ARK2C: variants seen among roughly 807,000 people sequenced by gnomAD.
ARK2C encodes the protein E3 ubiquitin-protein ligase ARK2C.
At chr18:46,433,276 C>T in the ARK2C span, 1 of 1,610,816 alleles carries the variant, frequency 6.2e-7, no homozygotes, top group African/African-American at 1.3e-5. Context: ...GCAGCTCGCT[C>T]CCGACTTCCC....
At chr18:46,383,388 G>C in the ARK2C span, among the ~76,000 whole-genome samples, 1 of 152,088 alleles carries the variant, frequency 6.6e-6, no homozygotes, top group African/African-American at 2.4e-5. Context: ...GGAAAAATAC[G>C]TATATATAAA....
chr18:46,396,416 T>C, the ARK2C span, among the ~76,000 whole-genome samples: 1 of 152,198 alleles, frequency 6.6e-6, no homozygotes, highest in Non-Finnish European at 1.5e-5. Flanking sequence ...AGAGACATTC[T>C]ACCTGCCCAG....
At chr18:46,337,505 G>C in the ARK2C span, 1 of 985,350 alleles carries the variant, frequency 1.0e-6, no homozygotes, top group Non-Finnish European at 1.2e-6. Flanking sequence ...TCTGCTCATT[G>C]TACGCTGCTT....
chr18:46,384,362 G>C, the ARK2C span, among the ~76,000 whole-genome samples: 2 of 152,152 alleles, frequency 1.3e-5, no homozygotes, highest in Non-Finnish European at 1.5e-5. Context: ...TGTGTGGGGG[G>C]GATTCTTGAT....
the ARK2C span, among the ~76,000 whole-genome samples, chr18:46,402,607 C>T: frequency 1.3e-5 from 2 of 152,204 alleles, no homozygotes; most frequent in East Asian, 1.9e-4. Flanking sequence ...CTTAAGTGAT[C>T]CTCCCATCAG....
At chr18:46,374,853 A>AG in the ARK2C span, among the ~76,000 whole-genome samples, 9 of 152,140 alleles carry the variant, frequency 5.9e-5, no homozygotes, top group African/African-American at 2.2e-4. Context: ...GCCTGGAGAG[A>AG]GGGGCCGATT....
the ARK2C span, among the ~76,000 whole-genome samples, chr18:46,421,737 G>T: frequency 6.6e-6 from 1 of 152,136 alleles, no homozygotes; most frequent in Non-Finnish European, 1.5e-5. Context: ...TTTGCTGCTT[G>T]TTGGAAGCTT....
the ARK2C span, among the ~76,000 whole-genome samples, chr18:46,376,631 T>C: frequency 3.3e-5 from 5 of 151,694 alleles, no homozygotes; most frequent in East Asian, 9.7e-4. Context: ...TTCAGTTTAT[T>C]TGAAGTTAGT....
the ARK2C span, among the ~76,000 whole-genome samples, chr18:46,339,185 C>T: frequency 6.6e-6 from 1 of 152,200 alleles, no homozygotes; most frequent in Non-Finnish European, 1.5e-5. Context: ...TTTTCATTTA[C>T]AGGAGACTTA....
the ARK2C span, among the ~76,000 whole-genome samples, chr18:46,340,297 A>G: frequency 6.6e-6 from 1 of 152,262 alleles, no homozygotes; most frequent in Non-Finnish European, 1.5e-5. Flanking sequence ...GGATGATTTA[A>G]GAACCAAAAG....
the ARK2C span, among the ~76,000 whole-genome samples, chr18:46,387,601 A>T: frequency 6.6e-6 from 1 of 152,258 alleles, no homozygotes; most frequent in Non-Finnish European, 1.5e-5. Flanking sequence ...TGAAGCAAGA[A>T]AAACATTCCC....
At chr18:46,433,116 G>T in the ARK2C span, 7 of 1,187,016 alleles carry the variant, frequency 5.9e-6, no homozygotes, top group South Asian at 1.1e-4. Context: ...AGGCTGCCCC[G>T]GGTGGGCACA....
At chr18:46,450,301 C>G in the ARK2C span, 3 of 1,612,970 alleles carry the variant, frequency 1.9e-6, no homozygotes. Flanking sequence ...AACAGGTCGT[C>G]CATGAAATCC....
chr18:46,391,172 T>G, the ARK2C span, among the ~76,000 whole-genome samples: 2 of 152,140 alleles, frequency 1.3e-5, no homozygotes, highest in African/African-American at 2.4e-5. Flanking sequence ...AATTCATCAC[T>G]TACAGTTTAC....
At chr18:46,388,399 A>T in the ARK2C span, among the ~76,000 whole-genome samples, 1 of 152,180 alleles carries the variant, frequency 6.6e-6, no homozygotes, top group South Asian at 2.1e-4. Flanking sequence ...GATACATTTG[A>T]TCCTGGGACC....
chr18:46,359,853 A>G, the ARK2C span, among the ~76,000 whole-genome samples: 13 of 152,288 alleles, frequency 8.5e-5, no homozygotes, highest in East Asian at 1.4e-3. Context: ...GGAGTGCCTT[A>G]TGAAACTAAG....
the ARK2C span, among the ~76,000 whole-genome samples, chr18:46,375,258 A>C: frequency 6.6e-6 from 1 of 151,798 alleles, no homozygotes; most frequent in East Asian, 1.9e-4. Context: ...CTTTCATCAA[A>C]AATACTTGTC....
At chr18:46,428,340 T>C in the ARK2C span, among the ~76,000 whole-genome samples, 2 of 151,610 alleles carry the variant, frequency 1.3e-5, no homozygotes, top group South Asian at 2.1e-4. Context: ...ACCTGGGAGG[T>C]GGAGATTGCA....
chr18:46,402,150 A>T, the ARK2C span, among the ~76,000 whole-genome samples: 22 of 152,206 alleles, frequency 1.4e-4, 1 homozygote, highest in Non-Finnish European at 1.5e-5. Flanking sequence ...TAAAGTGTAT[A>T]TTTGGTGAGT....
Sources: allele counts gnomAD v4.1 joint callset (sites outside exome capture counted in the v4.1 genomes callset), GRCh38; gene constraint gnomAD v4.1.1; transcripts MANE v1.5; gene names NCBI Gene and HGNC (gene_info 2026-07-23, HGNC 2026-07-21).